The following NRXN1 variants were observed in gnomAD, a reference collection of about 807,000 sequenced individuals.
NRXN1 encodes the protein neurexin 1.
Under a neutral mutation model 150.9 loss-of-function variants are expected in NRXN1, and 39 were observed. The observed-to-expected ratio is 0.26, with a 90% CI of 0.20 to 0.34. The LOEUF (loss-of-function observed/expected upper bound fraction) is 0.34, where lower values mean the gene tolerates loss of function less well. Ranked by LOEUF, NRXN1 falls within the 10% of genes least tolerant of loss-of-function variation. NRXN1 has a pLI of 1.00. For synonymous variants in NRXN1, 924 were observed against 757.0 expected (o/e 1.22, Z -3.62); for missense variants, 1,815 against 1,949.9 (o/e 0.93, Z 1.30).
chr2:50,054,903 T>C, intron 20 of NRXN1, 52 bp downstream of exon 20: 1 of 1,209,796 alleles, frequency 8.3e-7, no homozygotes. Context: ...AAGTACTACT[T>C]GGTTATGTTC....
At position 50,351,741 on chromosome 2, in the gene NRXN1, G is replaced by A. The variant is rs1046723704; in HGVS notation, c.3364+113701C>T. 2.6e-5 allele frequency among the ~76,000 whole-genome samples: 4 copies of A among 152,130 alleles called. No homozygotes were observed. In the South Asian group the frequency reaches 8.3e-4, roughly 32 times the overall value. ...ATCATTACAAAATGATATGAGGTAGGTACTATTGTTGATCCCTAACAGTTC... is the reference window on the plus strand; with the variant it reads ...ATCATTACAAAATGATATGAGGTAGATACTATTGTTGATCCCTAACAGTTC... On this transcript the variant is annotated intron_variant, in intron 17 of 22. Coordinates refer to ENST00000401669, the MANE Select transcript of NRXN1 (RefSeq NM_001330078.2).
In NRXN1 at chr2:50,250,539, T is replaced by C. The variant is rs150427662; in HGVS notation, c.3365-13569A>G. Among the ~76,000 whole-genome samples the C allele has an allele frequency of 6.5e-3, 985 of 152,148 alleles. 3 individuals carry two copies. The highest frequency in any genetic ancestry group is 0.019 in the South Asian group (93 of 4,816). ...AGATAAATACAGAGCACAAATCACA[T>C]AGTAGAAATTAGGACTATTCAAGGT... is the stretch of plus-strand genomic sequence containing the variant. On this transcript the variant is annotated intron_variant, in intron 17 of 22. Transcript: ENST00000401669.
intron 5 of NRXN1, among the ~76,000 whole-genome samples, chr2:50,913,741 G>A (rs1005285348): frequency 6.6e-6 from 1 of 151,678 alleles, no homozygotes; most frequent in African/African-American, 2.4e-5. Flanking sequence ...TGGGGTCGTA[G>A]GTACATGGCA....
intron 17 of NRXN1, among the ~76,000 whole-genome samples, chr2:50,263,800 G>T (rs2068560683): frequency 6.6e-6 from 1 of 152,068 alleles, no homozygotes; most frequent in Non-Finnish European, 1.5e-5. Context: ...CTGTTTAGAG[G>T]GTGGCAGCTA....
At chr2:50,403,332 T>A (rs1056026565) in intron 17 of NRXN1, among the ~76,000 whole-genome samples, 3 of 152,156 alleles carry the variant, frequency 2.0e-5, no homozygotes, top group African/African-American at 7.2e-5. Context: ...ACCAGCAGCA[T>A]CTGCATCACC....
chr2:50,079,191 T>C (rs146565562), intron 19 of NRXN1, among the ~76,000 whole-genome samples: 1 of 152,222 alleles, frequency 6.6e-6, no homozygotes, highest in Non-Finnish European at 1.5e-5. Context: ...ATTAGTTTTG[T>C]TGCTCAATTT....
chr2:50,226,646 CA>C (rs2064408472), intron 18 of NRXN1, among the ~76,000 whole-genome samples: 1 of 151,916 alleles, frequency 6.6e-6, no homozygotes, highest in South Asian at 2.1e-4. Context: ...ATCAGAGGTC[CA>C]GCTAAGGAAG....
chr2:50,660,793 G>A (rs866951867), intron 5 of NRXN1, among the ~76,000 whole-genome samples: 1 of 152,064 alleles, frequency 6.6e-6, no homozygotes, highest in African/African-American at 2.4e-5. Flanking sequence ...AGAACCTCAC[G>A]TAGTCCATTC....
intron 5 of NRXN1, among the ~76,000 whole-genome samples, chr2:50,828,028 A>T (rs1302278980): frequency 6.7e-6 from 1 of 149,810 alleles, no homozygotes; most frequent in East Asian, 2.0e-4. Context: ...CAGGGCAACC[A>T]TCCGATTTCT....
rs1574995474 is a variant in NRXN1 at position 50,301,187 on chromosome 2, CT to C, written c.3365-64218del. ...GCTTAAATCATTTAAATTTCAGCCT[CT>C]TTTCCTGCATCAGAACTTTTACAAT... On this transcript the variant is annotated intron_variant, in intron 17 of 22. Transcript: ENST00000401669. 4.6e-5 allele frequency among the ~76,000 whole-genome samples: 7 copies of C among 152,352 alleles called. No individual in the cohort carries two copies. The East Asian group carries it at 1.3e-3, about 29-fold the overall frequency.
At chr2:50,554,571 C>A (rs1667962766) in intron 8 of NRXN1, 1 of 152,130 alleles carries the variant, frequency 6.6e-6, no homozygotes, top group Non-Finnish European at 1.5e-5. Context: ...TACATAAAGG[C>A]ATTCATTCCA....
intron 5 of NRXN1, among the ~76,000 whole-genome samples, chr2:50,818,983 A>G (rs1258992709): frequency 1.3e-5 from 2 of 152,130 alleles, no homozygotes; most frequent in Admixed American, 6.6e-5. Flanking sequence ...TGCGATATCA[A>G]CCGACACCTG....
chr2:50,461,069 G>A (rs1187683606), intron 17 of NRXN1, among the ~76,000 whole-genome samples: 1 of 151,998 alleles, frequency 6.6e-6, no homozygotes, highest in East Asian at 1.9e-4. Flanking sequence ...TTGATGCTCA[G>A]ACACTGGATA....
intron 17 of NRXN1, among the ~76,000 whole-genome samples, chr2:50,380,590 G>A (rs1242570829): frequency 6.6e-6 from 1 of 151,878 alleles, no homozygotes; most frequent in African/African-American, 2.4e-5. Context: ...CCATAAAGTG[G>A]GAAAAATACC....
At chr2:50,321,022 G>C (rs1055384914) in intron 17 of NRXN1, among the ~76,000 whole-genome samples, 10 of 152,144 alleles carry the variant, frequency 6.6e-5, no homozygotes, top group African/African-American at 2.4e-4. Flanking sequence ...AGGCATTCAG[G>C]ATTGATTATT....
chr2:50,291,124 C>T (rs1434808684), intron 17 of NRXN1, among the ~76,000 whole-genome samples: 2 of 126,408 alleles, frequency 1.6e-5, no homozygotes, highest in East Asian at 4.3e-4. Context: ...TGGAGTTGAA[C>T]CACAGAAGTT....
intron 18 of NRXN1, among the ~76,000 whole-genome samples, chr2:50,208,737 C>G (rs2062796164): frequency 6.6e-6 from 1 of 151,994 alleles, no homozygotes; most frequent in Non-Finnish European, 1.5e-5. Flanking sequence ...AAAGCTCATC[C>G]CATTTAATTA....
intron 15 of NRXN1, among the ~76,000 whole-genome samples, chr2:50,492,546 T>G (rs1364154975): frequency 2.0e-5 from 3 of 152,164 alleles, no homozygotes; most frequent in Non-Finnish European, 4.4e-5. Flanking sequence ...AAAAGCCAAC[T>G]GTGGAATTTT....
chr2:50,809,250 A>C (rs534862525), intron 5 of NRXN1, among the ~76,000 whole-genome samples: 1 of 152,228 alleles, frequency 6.6e-6, no homozygotes, highest in Admixed American at 6.5e-5. Flanking sequence ...TAAGCAGAGT[A>C]ACTTCTCTCT....
Sources: allele counts gnomAD v4.1 joint callset (sites outside exome capture counted in the v4.1 genomes callset), GRCh38; gene constraint gnomAD v4.1.1; transcripts MANE v1.5; gene names NCBI Gene and HGNC (gene_info 2026-07-23, HGNC 2026-07-21).